Variants in MDGA2 observed in about 807,000 individuals in gnomAD.
MDGA2 encodes the protein MAM domain-containing glycosylphosphatidylinositol anchor protein 2.
Under a neutral mutation model 117.8 loss-of-function variants are expected in MDGA2, and 40 were observed. The ratio of observed to expected loss-of-function variants is 0.34; its 90% CI spans 0.26 to 0.44. MDGA2 has a LOEUF of 0.44. Among genes scored for constraint, MDGA2 ranks in the 20% least tolerant of loss-of-function variants. The pLI is 1.00. For missense variants in MDGA2, 1,123 were observed against 1,250.6 expected, an observed-to-expected ratio of 0.90 and a Z score of 1.54; for synonymous variants, 452 against 439.0, an observed-to-expected ratio of 1.03 and a Z score of -0.37.
chr14:47,508,655 G>A (rs953242123), intron 1 of MDGA2, among the ~76,000 whole-genome samples: 25 of 151,970 alleles, frequency 1.6e-4, no homozygotes, highest in Admixed American at 7.2e-4. Flanking sequence ...TAAGTCTTGT[G>A]CATAAAGGAA....
intron 14 of MDGA2, among the ~76,000 whole-genome samples, chr14:46,857,739 C>G (rs1881326583): frequency 6.6e-6 from 1 of 152,126 alleles, no homozygotes; most frequent in Non-Finnish European, 1.5e-5. Flanking sequence ...ACAGCAGCCT[C>G]AAACTCCTGG....
At chr14:46,870,631 G>A (rs760638436) in intron 14 of MDGA2, among the ~76,000 whole-genome samples, 1 of 151,848 alleles carries the variant, frequency 6.6e-6, no homozygotes, top group Non-Finnish European at 1.5e-5. Flanking sequence ...TACCCAGCCT[G>A]CAACCTTCAG....
At chr14:47,256,515 T>G (rs1887625091) in intron 2 of MDGA2, among the ~76,000 whole-genome samples, 2 of 152,112 alleles carry the variant, frequency 1.3e-5, no homozygotes, top group Admixed American at 1.3e-4. Context: ...AGTTTATCTA[T>G]TTGCTTCTTT....
intron 7 of MDGA2, among the ~76,000 whole-genome samples, chr14:47,057,661 C>T (rs1889732545): frequency 7.2e-6 from 1 of 138,978 alleles, no homozygotes; most frequent in Non-Finnish European, 1.6e-5. Context: ...CCCCTCCCCT[C>T]CTTTCCCCTC....
intron 2 of MDGA2, among the ~76,000 whole-genome samples, chr14:47,259,147 G>C (rs1284522807): frequency 6.6e-6 from 1 of 152,110 alleles, no homozygotes; most frequent in South Asian, 2.1e-4. Flanking sequence ...AAGGAGTAAT[G>C]TACCAATAAT....
chr14:47,521,721 G>C (rs952807363), intron 1 of MDGA2, among the ~76,000 whole-genome samples: 2 of 151,950 alleles, frequency 1.3e-5, no homozygotes, highest in Admixed American at 6.6e-5. Flanking sequence ...ACCCAGGCTG[G>C]AGTGCAATGG....
chr14:46,871,423 G>A (rs1353305871), intron 14 of MDGA2: 1 of 151,960 alleles, frequency 6.6e-6, no homozygotes, highest in Non-Finnish European at 1.5e-5. Flanking sequence ...TACTTAGCCA[G>A]GTGATGGGCA....
At chr14:47,390,091 AG>A (rs1414064478) in intron 1 of MDGA2, among the ~76,000 whole-genome samples, 1 of 152,120 alleles carries the variant, frequency 6.6e-6, no homozygotes, top group African/African-American at 2.4e-5. Flanking sequence ...TCAGCATTTG[AG>A]GTGTTGATCA....
intron 3 of MDGA2, among the ~76,000 whole-genome samples, chr14:47,194,868 C>T (rs1885234347): frequency 1.3e-5 from 2 of 152,038 alleles, no homozygotes; most frequent in Non-Finnish European, 2.9e-5. Context: ...AGTTTAAAGA[C>T]ACTTCATGCC....
At chr14:46,940,641 T>A (rs1229535907) in intron 9 of MDGA2, among the ~76,000 whole-genome samples, 1 of 122,778 alleles carries the variant, frequency 8.1e-6, no homozygotes. Context: ...AAAAAAAAAG[T>A]TGAACTTAAT....
chr14:47,346,563 A>T (rs1334211242), intron 1 of MDGA2, among the ~76,000 whole-genome samples: 1 of 152,206 alleles, frequency 6.6e-6, no homozygotes, highest in Non-Finnish European at 1.5e-5. Context: ...GCATAAAACA[A>T]TAGTCCTTCC....
intron 8 of MDGA2, among the ~76,000 whole-genome samples, chr14:46,996,278 C>G (rs948689196): frequency 3.9e-5 from 6 of 152,108 alleles, no homozygotes; most frequent in African/African-American, 1.4e-4. Context: ...TCCAAAATGC[C>G]AAGGAAAACC....
chr14:47,029,644 G>C (rs1888590499), intron 8 of MDGA2, among the ~76,000 whole-genome samples: 1 of 152,022 alleles, frequency 6.6e-6, no homozygotes, highest in Non-Finnish European at 1.5e-5. Flanking sequence ...ATTACTAAAA[G>C]ACTTTAATAG....
chr14:47,292,307 G>C (rs186414562), intron 2 of MDGA2, among the ~76,000 whole-genome samples: 2 of 152,110 alleles, frequency 1.3e-5, no homozygotes, highest in African/African-American at 4.8e-5. Context: ...ATTCCACTAG[G>C]TCTTTTCTAC....
At chr14:47,503,840 T>C (rs1894454546) in intron 1 of MDGA2, among the ~76,000 whole-genome samples, 3 of 152,222 alleles carry the variant, frequency 2.0e-5, no homozygotes, top group Admixed American at 6.5e-5. Flanking sequence ...CAAGATGACA[T>C]TTACTTTCTC....
At chr14:47,242,693 G>C (rs947859146) in intron 2 of MDGA2, among the ~76,000 whole-genome samples, 2 of 151,792 alleles carry the variant, frequency 1.3e-5, no homozygotes, top group South Asian at 2.1e-4. Context: ...GGCAGTGCTC[G>C]GGACCTGCAG....
At chr14:47,345,158 T>C (rs1890737585) in intron 1 of MDGA2, among the ~76,000 whole-genome samples, 1 of 152,082 alleles carries the variant, frequency 6.6e-6, no homozygotes, top group Non-Finnish European at 1.5e-5. Flanking sequence ...AATATATATT[T>C]TTAGCTAGGA....
At position 47,059,493 on chromosome 14, in the gene MDGA2, A is replaced by G. The variant is rs187113581; in HGVS notation, c.1525+1756T>C. 89 of 376,502 alleles carry G rather than the reference A, an allele frequency of 2.4e-4. 1 individual carries two copies. In the East Asian group the frequency reaches 4.7e-3, roughly 20 times the overall value. 23.3% of individuals were successfully genotyped at this position (376,502 alleles called of 1,614,324 possible). On this transcript the variant is annotated intron_variant, in intron 7 of 16. Transcript: ENST00000399232. ...GGATTGGTGGAAATTTCACAAATCA[A>G]TGTTGGTCATCTTTACTATTTTGTC...
intron 6 of MDGA2, among the ~76,000 whole-genome samples, chr14:47,079,745 T>TTTTTTTTTTTTTTG (rs1566611970): frequency 2.8e-4 from 39 of 140,254 alleles, no homozygotes; most frequent in African/African-American, 1.0e-3. Context: ...TTTTTTTTTT[T>TTTTTTTTTTTTTTG]TTTTGAGACA....
Sources: gnomAD v4.1 joint callset for allele counts (sites outside exome capture counted in the v4.1 genomes callset) on GRCh38, gnomAD v4.1.1 for gene constraint, MANE v1.5 for transcripts, NCBI Gene and HGNC (gene_info 2026-07-23, HGNC 2026-07-21) for gene names.